Variants in RALGPS1 observed in about 807,000 individuals in gnomAD.
RALGPS1 encodes ras-specific guanine nucleotide-releasing factor RalGPS1.
RALGPS1 carries 19 observed loss-of-function variants against 78.8 expected under a neutral mutation model. That is an observed-to-expected ratio of 0.24 (90% CI 0.17 to 0.35). The LOEUF (loss-of-function observed/expected upper bound fraction) is 0.35, where lower values mean the gene tolerates loss of function less well. RALGPS1 is among the 10% of genes least tolerant of loss of function. The pLI is 1.00. For synonymous variants in RALGPS1, 228 were observed against 256.3 expected (o/e 0.89, Z 1.06); for missense variants, 454 against 688.3 (o/e 0.66, Z 3.81).
chr9:126,922,049 G>C (rs2034821340), intron 1 of RALGPS1, among the ~76,000 whole-genome samples: 1 of 152,210 alleles, frequency 6.6e-6, no homozygotes, highest in African/African-American at 2.4e-5. Context: ...GGATTGCAGA[G>C]GCAAGCCTCA....
intron 8 of RALGPS1, among the ~76,000 whole-genome samples, chr9:127,098,633 G>A (rs553472213): frequency 6.6e-6 from 1 of 152,264 alleles, no homozygotes; most frequent in South Asian, 2.1e-4. Flanking sequence ...CCATACCCTG[G>A]TAAGTGTTGG....
chr9:127,173,992 G>A (rs1241385775), intron 10 of RALGPS1, among the ~76,000 whole-genome samples: 2 of 152,094 alleles, frequency 1.3e-5, no homozygotes, highest in East Asian at 1.9e-4. Context: ...TAGCTTGGGC[G>A]ACAGAGCGAG....
At chr9:127,041,246 C>A (rs2047294266) in intron 5 of RALGPS1, among the ~76,000 whole-genome samples, 1 of 152,048 alleles carries the variant, frequency 6.6e-6, no homozygotes, top group African/African-American at 2.4e-5. Context: ...TGCATGCCAC[C>A]ACACCCAGCT....
intron 8 of RALGPS1, among the ~76,000 whole-genome samples, chr9:127,160,383 C>T (rs977231962): frequency 1.3e-4 from 20 of 152,202 alleles, no homozygotes; most frequent in African/African-American, 4.8e-4. Context: ...AGCCCAGCTG[C>T]GGAGGGCTTC....
chr9:127,213,193 T>G, intron 17 of RALGPS1, 144 bp downstream of exon 17: 1 of 1,450,908 alleles, frequency 6.9e-7, no homozygotes. Flanking sequence ...GGGTCCATGC[T>G]AGTCCACAAA....
chr9:127,042,701 G>T (rs77699429), intron 5 of RALGPS1, among the ~76,000 whole-genome samples: 8,918 of 152,140 alleles, frequency 0.059, 844 homozygotes, highest in African/African-American at 0.2. Flanking sequence ...TAAATAAAAT[G>T]TATACAGATT....
At chr9:127,047,698 CAAA>C (rs539204984) in intron 5 of RALGPS1, among the ~76,000 whole-genome samples, 4 of 84,918 alleles carry the variant, frequency 4.7e-5, no homozygotes, top group Non-Finnish European at 7.3e-5. Context: ...GACGCCCTCT[CAAA>C]AAAAAAAAAA....
rs1480495449 is a variant in RALGPS1 at position 126,977,681 on chromosome 9, C to G, written c.166-14C>G. On this transcript the variant is annotated splice_polypyrimidine_tract_variant and intron_variant, in intron 3 of 18. Coordinates refer to ENST00000259351, the MANE Select transcript of RALGPS1 (RefSeq NM_014636.3). ...TGTACAGTATTTTCTAAAATTGATT[C>G]TCTTTTGTTGCAGAGCCAGATTACA... is the stretch of plus-strand genomic sequence containing the variant. 2 of 1,570,504 alleles carry G rather than the reference C, an allele frequency of 1.3e-6. No homozygotes were observed. Among genetic ancestry groups the G allele is most frequent in the Non-Finnish European group, 1.7e-6 (2 of 1,149,614 alleles).
intron 8 of RALGPS1, among the ~76,000 whole-genome samples, chr9:127,161,778 T>G (rs1588251515): frequency 6.6e-6 from 1 of 152,084 alleles, no homozygotes; most frequent in African/African-American, 2.4e-5. Context: ...CTGGCTGGAG[T>G]AAAAGAAGAA....
chr9:126,951,561 C>CA (rs2037819345), intron 1 of RALGPS1, among the ~76,000 whole-genome samples: 1 of 150,552 alleles, frequency 6.6e-6, no homozygotes, highest in African/African-American at 2.4e-5. Context: ...GAACCAAAGA[C>CA]AAAAACCACA....
rs1355945510 is a variant in RALGPS1, at chr9:127,218,325, C to T, written c.1645-415C>T. ...CAACTCCAGCCACCCACCCTCTGCA[C>T]ACACCTCAGGCCTTCAGGATTTGTC... is the stretch of plus-strand genomic sequence containing the variant. On this transcript the variant is annotated intron_variant, in intron 18 of 18. Coordinates refer to ENST00000259351, the MANE Select transcript of RALGPS1 (RefSeq NM_014636.3). This position sits in a 1 kb window ranked among gnomAD's most constrained non-coding sequence, Gnocchi z 4.4. Among the ~76,000 whole-genome samples, 1 of 152,210 alleles carries T rather than the reference C, an allele frequency of 6.6e-6. No homozygotes were observed. Among genetic ancestry groups the T allele is most frequent in the Non-Finnish European group, 1.5e-5 (1 of 68,036 alleles).
chr9:127,129,495 A>G, intron 8 of RALGPS1, among the ~76,000 whole-genome samples: 1 of 152,176 alleles, frequency 6.6e-6, no homozygotes, highest in African/African-American at 2.4e-5. Context: ...CCCATTCCAA[A>G]GACCAGCCAA....
intron 3 of RALGPS1, among the ~76,000 whole-genome samples, chr9:126,974,234 T>C (rs1588748415): frequency 6.6e-6 from 1 of 152,232 alleles, no homozygotes; most frequent in East Asian, 1.9e-4. Context: ...ACTGCTAGAT[T>C]AATTTTCAAA....
intron 4 of RALGPS1, chr9:126,978,313 A>G (rs10987531): frequency 0.17 from 26,296 of 151,796 alleles, 3,016 homozygotes; most frequent in East Asian, 0.44. Flanking sequence ...GTGTCAAAAA[A>G]AAAAAAAGCA....
At chr9:126,972,311 A>C (rs1361826627) in intron 3 of RALGPS1, among the ~76,000 whole-genome samples, 1 of 152,208 alleles carries the variant, frequency 6.6e-6, no homozygotes, top group South Asian at 2.1e-4. Flanking sequence ...AATCTTAAAA[A>C]CTGGTAAATA....
At chr9:126,995,650 G>A (rs1282187627) in intron 4 of RALGPS1, among the ~76,000 whole-genome samples, 7 of 152,006 alleles carry the variant, frequency 4.6e-5, no homozygotes, top group African/African-American at 7.2e-5. Context: ...AGGATACCCA[G>A]GAATTGAACT....
intron 1 of RALGPS1, among the ~76,000 whole-genome samples, chr9:126,925,916 A>G (rs2035232348): frequency 6.6e-6 from 1 of 152,210 alleles, no homozygotes; most frequent in African/African-American, 2.4e-5. Flanking sequence ...AGGAGCATGG[A>G]GGACTCCAGA....
intron 8 of RALGPS1, chr9:127,087,219 G>A (rs1348876928): frequency 6.6e-6 from 1 of 152,376 alleles, no homozygotes; most frequent in African/African-American, 2.4e-5. Flanking sequence ...TAGGGTGGGT[G>A]TGATTTAAAT....
intron 10 of RALGPS1, among the ~76,000 whole-genome samples, chr9:127,171,517 T>C (rs1237301055): frequency 6.6e-6 from 1 of 152,218 alleles, no homozygotes; most frequent in Non-Finnish European, 1.5e-5. Context: ...CCCAGCACTT[T>C]GGAAGGCCAA....
Sources: allele counts gnomAD v4.1 joint callset (sites outside exome capture counted in the v4.1 genomes callset), GRCh38; gene constraint gnomAD v4.1.1; non-coding constraint Gnocchi (gnomAD v3.1); transcripts MANE v1.5; gene names NCBI Gene and HGNC (gene_info 2026-07-23, HGNC 2026-07-21).